RHOJ: variants seen among roughly 807,000 people sequenced by gnomAD.
RHOJ encodes the protein rho-related GTP-binding protein RhoJ.
RHOJ carries 11 observed loss-of-function variants against 23.4 expected under a neutral mutation model. The observed-to-expected ratio is 0.47, with a 90% CI of 0.30 to 0.78. RHOJ has a LOEUF of 0.78. RHOJ is among the 30% of genes least tolerant of loss of function. The pLI is 0.08. For missense variants in RHOJ, 254 were observed against 273.4 expected (o/e 0.93, Z 0.50); for synonymous variants, 102 against 102.7 (o/e 0.99, Z 0.04).
intron 1 of RHOJ, among the ~76,000 whole-genome samples, chr14:63,227,763 G>T (rs1894621985): frequency 6.6e-6 from 1 of 152,196 alleles, no homozygotes; most frequent in Non-Finnish European, 1.5e-5. Context: ...ATCTGACAAT[G>T]ATTCTAGCTT....
rs998872127 is a variant in RHOJ, at chr14:63,291,879, G to A, written c.*855G>A. On this transcript the variant is annotated 3_prime_UTR_variant, in exon 5 of 5. Transcript: ENST00000316754. ...TTTCTGTTTTTCATCCAAGTTGATT[G>A]GGGGAAGAATATGGCAGGATCCATC... 1.3e-5 allele frequency: 2 copies of A among 152,430 alleles called. No homozygotes were observed. Among genetic ancestry groups the A allele is most frequent in the Non-Finnish European group, 2.9e-5 (2 of 68,040 alleles). 9.4% of individuals were successfully genotyped at this position (152,430 alleles called of 1,614,324 possible). A position where few individuals can be genotyped will look rare whatever the true frequency, so the allele number is the denominator to read the frequency against.
At chr14:63,212,602 T>C (rs766609817) in intron 1 of RHOJ, among the ~76,000 whole-genome samples, 2 of 152,252 alleles carry the variant, frequency 1.3e-5, no homozygotes, top group Middle Eastern at 6.8e-3. Context: ...AATCAAAACA[T>C]TCAAACTCCC....
chr14:63,217,509 C>G (rs1481489833), intron 1 of RHOJ, among the ~76,000 whole-genome samples: 1 of 151,844 alleles, frequency 6.6e-6, no homozygotes, highest in Non-Finnish European at 1.5e-5. Flanking sequence ...GAAACTGGAT[C>G]TCTTCCTTAC....
chr14:63,205,667 GA>G (rs1894094644), intron 1 of RHOJ, among the ~76,000 whole-genome samples: 1 of 152,098 alleles, frequency 6.6e-6, no homozygotes, highest in Admixed American at 6.5e-5. Flanking sequence ...TTTTTAAAAG[GA>G]AAAATACAAA....
At chr14:63,209,050 T>G (rs1894175040) in intron 1 of RHOJ, among the ~76,000 whole-genome samples, 1 of 152,154 alleles carries the variant, frequency 6.6e-6, no homozygotes, top group African/African-American at 2.4e-5. Flanking sequence ...TTTAAACCAT[T>G]AGTTATCATC....
chr14:63,246,493 C>A lies in RHOJ; in HGVS notation c.179-22617C>A, dbSNP rs147110390. On this transcript the variant is annotated intron_variant, in intron 1 of 4. Coordinates refer to ENST00000316754, the MANE Select transcript of RHOJ (RefSeq NM_020663.5). ...CTCCAACTCTTACCACTACTGTGTT[C>A]TTGGAAAAATTACAAAACCTGAGAC... Among the ~76,000 whole-genome samples the A allele has an allele frequency of 4.0e-3, 610 of 152,278 alleles. 4 individuals are homozygous for A. The highest frequency in any genetic ancestry group is 0.013 in the African/African-American group (553 of 41,570).
At chr14:63,272,139 T>C (rs970575997) in intron 2 of RHOJ, among the ~76,000 whole-genome samples, 10 of 152,216 alleles carry the variant, frequency 6.6e-5, no homozygotes, top group African/African-American at 2.2e-4. Context: ...GGCTGAGGCA[T>C]TGTTCTGAAA....
At chr14:63,255,135 A>G (rs1479447585) in intron 1 of RHOJ, among the ~76,000 whole-genome samples, 1 of 152,108 alleles carries the variant, frequency 6.6e-6, no homozygotes, top group Non-Finnish European at 1.5e-5. Flanking sequence ...CTTTTTGGCC[A>G]AAGTCCCTTC....
intron 1 of RHOJ, among the ~76,000 whole-genome samples, chr14:63,241,298 A>C (rs1894879819): frequency 6.6e-6 from 1 of 152,228 alleles, no homozygotes; most frequent in African/African-American, 2.4e-5. Flanking sequence ...AGGACCAAAA[A>C]TCATTTGCAT....
chr14:63,254,648 G>A (rs1594767239), intron 1 of RHOJ, among the ~76,000 whole-genome samples: 2 of 151,976 alleles, frequency 1.3e-5, no homozygotes, highest in African/African-American at 2.4e-5. Context: ...AGAGAGAAGC[G>A]GGATACCAAT....
At position 63,238,870 on chromosome 14, in the gene RHOJ, A is replaced by G. The variant is rs1249469285; in HGVS notation, c.179-30240A>G. 2.6e-5 allele frequency among the ~76,000 whole-genome samples: 4 copies of G among 152,190 alleles called. No individual in the cohort carries two copies. The East Asian group carries it at 7.7e-4, about 29-fold the overall frequency. ...CTGGAAGGTAACTGTGATTTGCCCA[A>G]TGCTGGAAATGAGGATGATGCAGCT... On this transcript the variant is annotated intron_variant, in intron 1 of 4. Transcript: ENST00000316754.
chr14:63,243,766 GCTTAACTCATGACTC>G (rs1894927069), intron 1 of RHOJ, among the ~76,000 whole-genome samples: 1 of 152,170 alleles, frequency 6.6e-6, no homozygotes, highest in African/African-American at 2.4e-5. Context: ...AGTGAGGAAG[GCTTAACTCATGACTC>G]CTTTAAACAC....
chr14:63,264,275 G>A lies in RHOJ; in HGVS notation c.179-4835G>A, dbSNP rs576797645. 1.8e-3 allele frequency among the ~76,000 whole-genome samples: 274 copies of A among 151,446 alleles called. 5 individuals are homozygous for A. The South Asian group carries it at 0.018, about 10-fold the overall frequency. On this transcript the variant is annotated intron_variant, in intron 1 of 4. Coordinates refer to ENST00000316754, the MANE Select transcript of RHOJ (RefSeq NM_020663.5). The stretch of plus-strand genomic sequence containing the variant: ...CACTTATGAGAACATGCAGTATTTG[G>A]TTTTCTGTTTCTGCATTAATTAGCT...
intron 1 of RHOJ, among the ~76,000 whole-genome samples, chr14:63,214,735 T>A (rs1321052202): frequency 1.3e-5 from 2 of 151,984 alleles, no homozygotes; most frequent in African/African-American, 4.8e-5. Context: ...AAGTGGGAAT[T>A]CTGATGCGTA....
chr14:63,225,595 C>T (rs117223845), intron 1 of RHOJ, among the ~76,000 whole-genome samples: 3,915 of 152,030 alleles, frequency 0.026, 91 homozygotes, highest in Non-Finnish European at 0.039. Flanking sequence ...TGAAAACTAC[C>T]CAAAAGAAAA....
rs147838375 is a variant in RHOJ at position 63,281,124 on chromosome 14, A to C, written c.391A>C (p.Ile131Leu). 6 of 1,609,950 alleles carry C rather than the reference A, an allele frequency of 3.7e-6. No individual in the cohort carries two copies. Among genetic ancestry groups the C allele is most frequent in the Non-Finnish European group, 4.2e-6 (5 of 1,178,598 alleles). Reference protein sequence around the residue: ...DCMPHVPYVLIGTQIDLRDDP... With the variant: ...DCMPHVPYVLLGTQIDLRDDP... The stretch of plus-strand genomic sequence containing the variant: ...CATGCCTCACGTGCCTTATGTCCTC[A>C]TAGGGACCCAGGTTAAAATGTGGGC... Residue 131 changes from isoleucine to leucine, a missense_variant, in exon 3 of 5, where the codon ATA becomes CTA. Physicochemically the swap from Ile to Leu is conservative, Grantham distance 5. Coordinates refer to ENST00000316754, the MANE Select transcript of RHOJ (RefSeq NM_020663.5).
At position 63,291,692 on chromosome 14, in the gene RHOJ, C is replaced by G. The variant is rs1466177413; in HGVS notation, c.*668C>G. ...AGACTTTAAAAGTTTTGGAAATTTA[C>G]AGAGCCATGATTTTTGAACCTAATT... On this transcript the variant is annotated 3_prime_UTR_variant, in exon 5 of 5. Transcript: ENST00000316754. 1 of 154,964 alleles carries G rather than the reference C, an allele frequency of 6.5e-6. No homozygotes were observed. Among genetic ancestry groups the G allele is most frequent in the Non-Finnish European group, 1.4e-5 (1 of 69,478 alleles). The allele number at this position is 154,964 out of a possible 1,614,324, so 9.6% of individuals were successfully genotyped here.
Position 63,204,818 on chromosome 14 carries a change from A to G in RHOJ, c.-52A>G. The G allele has an allele frequency of 6.4e-7, 1 of 1,558,718 alleles. No homozygotes were observed. The highest frequency in any genetic ancestry group is 8.7e-7 in the Non-Finnish European group (1 of 1,147,510). ...TTCTGCCGCTTCATGTGCTTTGGAA[A>G]AAGCAGGAGAAGCAATAGCAGCAGG... On this transcript the variant is annotated 5_prime_UTR_variant, in exon 1 of 5. Coordinates refer to ENST00000316754, the MANE Select transcript of RHOJ (RefSeq NM_020663.5).
At chr14:63,278,383 GTA>G (rs2139662305) in intron 2 of RHOJ, among the ~76,000 whole-genome samples, 1 of 152,186 alleles carries the variant, frequency 6.6e-6, no homozygotes, top group South Asian at 2.1e-4. Context: ...AGTCTCATGT[GTA>G]TGTAGTGTGC....
Sources: gnomAD v4.1 joint callset for allele counts (sites outside exome capture counted in the v4.1 genomes callset) on GRCh38, gnomAD v4.1.1 for gene constraint, MANE v1.5 for transcripts, NCBI Gene and HGNC (gene_info 2026-07-23, HGNC 2026-07-21) for gene names.